The following DCAF17 variants were observed in gnomAD, a reference collection of about 807,000 sequenced individuals.
The protein encoded by DCAF17 is DDB1 and CUL4 associated factor 17.
In DCAF17, 48 loss-of-function variants were observed where a neutral mutation model predicts 66.0. That is an observed-to-expected ratio of 0.73 (90% confidence interval 0.58 to 0.92). The LOEUF (loss-of-function observed/expected upper bound fraction) is 0.92. Ranked by LOEUF, DCAF17 falls within the 40% of genes least tolerant of loss-of-function variation. The probability of loss-of-function intolerance (pLI) is 0.00; values close to 1 mark genes in which losing one functional copy is unlikely to be tolerated. For missense variants in DCAF17, 562 were observed against 622.8 expected (o/e 0.90, Z 1.04); for synonymous variants, 206 against 214.6 (o/e 0.96, Z 0.35).
intron 6 of DCAF17, among the ~76,000 whole-genome samples, chr2:171,455,254 A>T (rs1182693527): frequency 6.6e-6 from 1 of 151,734 alleles, no homozygotes; most frequent in Non-Finnish European, 1.5e-5. Context: ...GAGAACATGG[A>T]GTATTTGGTT....
chr2:171,475,585 T>C lies in DCAF17; in HGVS notation c.1092-1275T>C, dbSNP rs150593509. 1.5e-3 allele frequency among the ~76,000 whole-genome samples: 221 copies of C among 152,208 alleles called. 2 individuals carry two copies. The highest frequency in any genetic ancestry group is 5.1e-3 in the African/African-American group (212 of 41,522). On this transcript the variant is annotated intron_variant, in intron 10 of 13. Transcript: ENST00000375255. ...TTTGAGACCAGCCTGGGCAACATAG[T>C]GAGACTTCGTCTCTACAAAAAATAA...
chr2:171,484,618 G>A lies in DCAF17; in HGVS notation c.*3504G>A, dbSNP rs1696876999. The A allele has an allele frequency of 2.2e-6, 1 of 452,788 alleles. No homozygotes were observed. Among genetic ancestry groups the A allele is most frequent in the African/African-American group, 2.0e-5 (1 of 49,878 alleles). The allele number at this position is 452,788 out of a possible 1,614,324, so 28.0% of individuals were successfully genotyped here. ...ATTTAAGATTTACCTGCAATAAAAT[G>A]TACAAATCTTAAGTATAAATTTACT... On this transcript the variant is annotated 3_prime_UTR_variant, in exon 14 of 14. Coordinates refer to ENST00000375255, the MANE Select transcript of DCAF17 (RefSeq NM_025000.4).
chr2:171,460,322 C>CAAA (rs770720263), intron 8 of DCAF17, among the ~76,000 whole-genome samples: 1 of 76,958 alleles, frequency 1.3e-5, no homozygotes, highest in Non-Finnish European at 2.7e-5. Context: ...GATTCCATCT[C>CAAA]AAAAAAAAAA....
intron 5 of DCAF17, 36 bp from the exon 6 acceptor site, chr2:171,453,088 T>C: frequency 6.7e-7 from 1 of 1,481,704 alleles, no homozygotes; most frequent in Non-Finnish European, 9.3e-7. Context: ...TGAAGTACTT[T>C]TGAGAGCTGC....
At chr2:171,446,107 T>C (rs557497811) in intron 3 of DCAF17, among the ~76,000 whole-genome samples, 11 of 152,320 alleles carry the variant, frequency 7.2e-5, no homozygotes, top group Admixed American at 2.6e-4. Flanking sequence ...AAAAATCTTA[T>C]AGCCAGTATT....
intron 6 of DCAF17, among the ~76,000 whole-genome samples, chr2:171,455,259 T>C (rs1012938012): frequency 5.3e-5 from 8 of 152,174 alleles, no homozygotes; most frequent in Non-Finnish European, 1.0e-4. Flanking sequence ...CATGGAGTAT[T>C]TGGTTTTCTG....
intron 8 of DCAF17, among the ~76,000 whole-genome samples, chr2:171,464,973 A>C (rs1487733761): frequency 6.6e-6 from 1 of 152,156 alleles, no homozygotes; most frequent in Non-Finnish European, 1.5e-5. Flanking sequence ...AGGCAGGTGG[A>C]TCACTTGAGG....
chr2:171,466,111 A>G (rs1433958014), intron 8 of DCAF17, among the ~76,000 whole-genome samples: 1 of 152,040 alleles, frequency 6.6e-6, no homozygotes, highest in Non-Finnish European at 1.5e-5. Flanking sequence ...CAATCCACCC[A>G]CCTTGGCTTC....
Position 171,458,486 on chromosome 2 carries a change from A to C in DCAF17, c.838+9A>C. The C allele has an allele frequency of 6.3e-7, 1 of 1,593,204 alleles. No homozygotes were observed. The highest frequency in any genetic ancestry group is 8.6e-7 in the Non-Finnish European group (1 of 1,161,264). On this transcript the variant is annotated intron_variant, in intron 8 of 13. Transcript: ENST00000375255. ...TAATATTAAAATCACAGGTATGGCT[A>C]CTCTATAGTATTTTTTCACCTTAAA...
At chr2:171,443,422 CT>C in intron 2 of DCAF17, 100 bp from the exon 3 acceptor site, 1 of 871,114 alleles carries the variant, frequency 1.1e-6, no homozygotes. Flanking sequence ...TAAATTGTGC[CT>C]TGGTATTTCA....
intron 8 of DCAF17, among the ~76,000 whole-genome samples, chr2:171,467,716 C>T (rs1320290932): frequency 8.2e-6 from 1 of 122,420 alleles, no homozygotes; most frequent in Non-Finnish European, 1.6e-5. Context: ...GGTGACAGAG[C>T]GAGACTGTCT....
rs1397609075 is a variant in DCAF17 at position 171,434,347 on chromosome 2, G to A, written c.-231G>A. On this transcript the variant is annotated 5_prime_UTR_variant, in exon 1 of 14. Coordinates refer to ENST00000375255, the MANE Select transcript of DCAF17 (RefSeq NM_025000.4). ...GCGGCCAGAGAGCCTGGGGCAGATC[G>A]AAAAGGGAGTGCTTCTTCCCTTCTC... 11 of 754,870 alleles carry A rather than the reference G, an allele frequency of 1.5e-5. No homozygotes were observed. Among genetic ancestry groups the A allele is most frequent in the Non-Finnish European group, 2.5e-5 (11 of 446,382 alleles). The allele number at this position is 754,870 out of a possible 1,614,324, so 46.8% of individuals were successfully genotyped here.
chr2:171,446,880 A>G (rs950579850), intron 3 of DCAF17, among the ~76,000 whole-genome samples: 12 of 152,222 alleles, frequency 7.9e-5, no homozygotes, highest in Non-Finnish European at 1.5e-4. Flanking sequence ...TGAGCATGAA[A>G]AATATAACAA....
intron 4 of DCAF17, among the ~76,000 whole-genome samples, chr2:171,449,151 G>T (rs28663293): frequency 6.6e-6 from 1 of 151,942 alleles, no homozygotes; most frequent in African/African-American, 2.4e-5. Context: ...TGGGATTTTG[G>T]GTGTGCACCC....
chr2:171,466,681 C>T (rs1262474667), intron 8 of DCAF17, among the ~76,000 whole-genome samples: 1 of 149,038 alleles, frequency 6.7e-6, no homozygotes, highest in African/African-American at 2.5e-5. Flanking sequence ...TCATTTTTTG[C>T]ATTTACTGGG....
chr2:171,475,601 C>T (rs1696460206), intron 10 of DCAF17, among the ~76,000 whole-genome samples: 1 of 151,932 alleles, frequency 6.6e-6, no homozygotes, highest in African/African-American at 2.4e-5. Flanking sequence ...TTCGTCTCTA[C>T]AAAAAATAAA....
intron 9 of DCAF17, among the ~76,000 whole-genome samples, chr2:171,469,615 A>C (rs1696124958): frequency 6.6e-6 from 1 of 152,218 alleles, no homozygotes; most frequent in African/African-American, 2.4e-5. Flanking sequence ...TCATTTAATA[A>C]ACATTTATTG....
In DCAF17 at chr2:171,443,546, T is replaced by C; in HGVS notation, c.254T>C (p.Leu85Pro). The part of the protein sequence containing the change: ...VSSVASEPRK[L>P]YEMPKCSKSE... The stretch of plus-strand genomic sequence containing the variant: ...AGTGTTGCATCTGAGCCAAGAAAAC[T>C]TTATGAAATGCCAAAATGTTCCAAA... The change falls in exon 3 of 14, where the codon CTT becomes CCT. Residue 85 changes from leucine to proline, a missense_variant. Physicochemically the swap from Leu to Pro is moderately conservative, Grantham distance 98 (BLOSUM62 -3). Transcript: ENST00000375255. The C allele has an allele frequency of 6.2e-7, 1 of 1,612,930 alleles. No individual in the cohort carries two copies. The highest frequency in any genetic ancestry group is 1.1e-5 in the South Asian group (1 of 91,046).
rs1559300456 is a variant in DCAF17 at position 171,484,664 on chromosome 2, A to T, written c.*3550A>T. On this transcript the variant is annotated 3_prime_UTR_variant, in exon 14 of 14. Coordinates refer to ENST00000375255, the MANE Select transcript of DCAF17 (RefSeq NM_025000.4). ...TTACTGAGTTCTTGCAGACATATAC[A>T]CCTGTGTAACCCAAACCCTTTCCAA... The T allele has an allele frequency of 2.2e-6, 1 of 453,904 alleles. No individual in the cohort carries two copies. The highest frequency in any genetic ancestry group is 2.4e-5 in the Admixed American group (1 of 42,542). The allele number at this position is 453,904 out of a possible 1,614,324, so 28.1% of individuals were successfully genotyped here.
Sources: allele counts gnomAD v4.1 joint callset (sites outside exome capture counted in the v4.1 genomes callset), GRCh38; gene constraint gnomAD v4.1.1; transcripts MANE v1.5; gene names NCBI Gene and HGNC (gene_info 2026-07-23, HGNC 2026-07-21).